FHIP1A: variants seen among roughly 807,000 people sequenced by gnomAD.
FHIP1A encodes FHF complex subunit HOOK-interacting protein 1A.
In FHIP1A, 61 loss-of-function variants were observed where a neutral mutation model predicts 88.6. The observed-to-expected ratio is 0.69, with a 90% CI of 0.56 to 0.85. FHIP1A has a LOEUF of 0.85. FHIP1A is among the 40% of genes least tolerant of loss of function. FHIP1A has a pLI of 0.00. For missense variants in FHIP1A, 1,154 were observed against 1,273.5 expected (o/e 0.91, Z 1.43); for synonymous variants, 478 against 496.0 (o/e 0.96, Z 0.48).
At position 151,542,285 on chromosome 4, in the gene FHIP1A, A is replaced by G. The variant is rs563109686; in HGVS notation, c.-122-23853A>G. On this transcript the variant is annotated intron_variant, in intron 3 of 13. Coordinates refer to ENST00000435205, the MANE Select transcript of FHIP1A (RefSeq NM_001109977.3). ...AAAATAAGTAATTGCACAAAACAAC[A>G]TTTAAGGAAATCAAAATACATGGAA... Among the ~76,000 whole-genome samples, 8 of 152,260 alleles carry G rather than the reference A, an allele frequency of 5.3e-5. No individual in the cohort carries two copies. In the South Asian group the frequency reaches 1.7e-3, roughly 32 times the overall value.
chr4:151,493,711 A>G (rs1580630336), intron 3 of FHIP1A, among the ~76,000 whole-genome samples: 2 of 152,374 alleles, frequency 1.3e-5, no homozygotes, highest in Non-Finnish European at 2.9e-5. Flanking sequence ...AAACAGAATT[A>G]AAAACAAAAA....
chr4:151,662,344 G>A (rs752035405), intron 13 of FHIP1A, among the ~76,000 whole-genome samples, 157 bp from the exon 14 acceptor site: 1 of 152,190 alleles, frequency 6.6e-6, no homozygotes, highest in Non-Finnish European at 1.5e-5. Flanking sequence ...GTCATGGAGT[G>A]CACAAGGGCT....
chr4:151,509,272 C>T (rs1730940177), intron 3 of FHIP1A, among the ~76,000 whole-genome samples: 1 of 152,130 alleles, frequency 6.6e-6, no homozygotes, highest in African/African-American at 2.4e-5. Context: ...ACGCCATTCT[C>T]CTGCCTCAGC....
At chr4:151,444,465 A>G (rs1216743627) in intron 1 of FHIP1A, among the ~76,000 whole-genome samples, 2 of 152,188 alleles carry the variant, frequency 1.3e-5, no homozygotes, top group African/African-American at 4.8e-5. Context: ...TGAATGTCAT[A>G]TGAACAGTAC....
chr4:151,417,181 A>G (rs1732928257), intron 1 of FHIP1A, among the ~76,000 whole-genome samples: 1 of 152,202 alleles, frequency 6.6e-6, no homozygotes, highest in South Asian at 2.1e-4. Context: ...AGCACACTTC[A>G]CAGGGTGGGA....
intron 1 of FHIP1A, among the ~76,000 whole-genome samples, chr4:151,415,334 G>A (rs1385692861): frequency 1.3e-5 from 2 of 152,024 alleles, no homozygotes; most frequent in South Asian, 2.1e-4. Context: ...CTACAGGTGT[G>A]CATCACCATG....
chr4:151,638,295 C>A (rs1445604189), intron 8 of FHIP1A, among the ~76,000 whole-genome samples: 1 of 134,024 alleles, frequency 7.5e-6, no homozygotes, highest in African/African-American at 2.6e-5. Context: ...CTCAGGAAAA[C>A]AAATTACCTA....
intron 7 of FHIP1A, among the ~76,000 whole-genome samples, chr4:151,593,031 A>G (rs1734498445): frequency 1.3e-5 from 2 of 152,152 alleles, no homozygotes; most frequent in Admixed American, 1.3e-4. Context: ...TCCTTTCCCC[A>G]TTGCTTGTTT....
intron 5 of FHIP1A, among the ~76,000 whole-genome samples, chr4:151,579,003 T>A (rs1330178063): frequency 3.3e-5 from 5 of 152,206 alleles, no homozygotes; most frequent in Non-Finnish European, 7.4e-5. Context: ...CTGAAAAGGC[T>A]ACCTACTGTA....
intron 5 of FHIP1A, among the ~76,000 whole-genome samples, chr4:151,584,891 T>A (rs1734151789): frequency 6.6e-6 from 1 of 152,108 alleles, no homozygotes; most frequent in African/African-American, 2.4e-5. Context: ...TACGTACTCT[T>A]CACCAGCTTA....
At chr4:151,621,196 G>C (rs1735729373) in intron 7 of FHIP1A, among the ~76,000 whole-genome samples, 1 of 152,090 alleles carries the variant, frequency 6.6e-6, no homozygotes, top group Non-Finnish European at 1.5e-5. Flanking sequence ...CCTCATTTTT[G>C]TGTCTGACTT....
intron 7 of FHIP1A, among the ~76,000 whole-genome samples, chr4:151,624,792 C>T (rs574046695): frequency 6.6e-6 from 1 of 152,188 alleles, no homozygotes; most frequent in South Asian, 2.1e-4. Context: ...GCCTAGAGGT[C>T]GGGGAGCAGA....
At chr4:151,595,189 T>C (rs1392413505) in intron 7 of FHIP1A, among the ~76,000 whole-genome samples, 1 of 152,234 alleles carries the variant, frequency 6.6e-6, no homozygotes, top group Non-Finnish European at 1.5e-5. Context: ...CTCTGAACAC[T>C]GCTTTAGCTG....
chr4:151,558,198 T>G (rs1733028513), intron 3 of FHIP1A, among the ~76,000 whole-genome samples: 1 of 152,098 alleles, frequency 6.6e-6, no homozygotes, highest in South Asian at 2.1e-4. Context: ...GAGAATAGGT[T>G]TTGTACGAGT....
intron 1 of FHIP1A, among the ~76,000 whole-genome samples, chr4:151,441,041 C>T (rs1410777516): frequency 6.6e-6 from 1 of 152,134 alleles, no homozygotes; most frequent in African/African-American, 2.4e-5. Flanking sequence ...GCTTCTCAGC[C>T]CTCACTTGCA....
In FHIP1A at chr4:151,656,379, T is replaced by G. The variant is rs1418885062; in HGVS notation, c.2699T>G (p.Val900Gly). The G allele has an allele frequency of 1.3e-6, 2 of 1,551,626 alleles. No homozygotes were observed. Among genetic ancestry groups the G allele is most frequent in the African/African-American group, 2.7e-5 (2 of 73,056 alleles). The change falls in exon 12 of 14, where the codon GTC becomes GGC. Residue 900 changes from valine (V) to glycine (G), a missense_variant. Coordinates refer to ENST00000435205, the MANE Select transcript of FHIP1A (RefSeq NM_001109977.3). This position sits in a 1 kb window ranked among gnomAD's most constrained non-coding sequence, Gnocchi z 4.2. ...LRSFLLNTNM[V>G]FQPSVRSLYQ... is the part of the protein sequence containing the mutation. ...TCCTTTCTGCTCAACACCAACATGG[T>G]CTTCCAGCCAAGCGTCCGCTCTCTC... is the stretch of plus-strand genomic sequence containing the variant.
At chr4:151,519,672 AGGAATGGAAT>A (rs1346700443) in intron 3 of FHIP1A, among the ~76,000 whole-genome samples, 1 of 152,176 alleles carries the variant, frequency 6.6e-6, no homozygotes, top group Non-Finnish European at 1.5e-5. Flanking sequence ...GTAAATACCC[AGGAATGGAAT>A]GGCTTGATCA....
intron 3 of FHIP1A, among the ~76,000 whole-genome samples, chr4:151,556,310 TTTCTA>T (rs1011454121): frequency 8.5e-5 from 13 of 152,176 alleles, no homozygotes; most frequent in African/African-American, 3.1e-4. Flanking sequence ...ATTTGTTTGG[TTTCTA>T]TTCTATCATC....
chr4:151,454,395 A>G (rs1171027622), intron 1 of FHIP1A, among the ~76,000 whole-genome samples: 1 of 152,196 alleles, frequency 6.6e-6, no homozygotes, highest in Non-Finnish European at 1.5e-5. Flanking sequence ...ATGACACAGA[A>G]CAAGCTATGC....
Sources: gnomAD v4.1 joint callset for allele counts (sites outside exome capture counted in the v4.1 genomes callset) on GRCh38, gnomAD v4.1.1 for gene constraint, Gnocchi (gnomAD v3.1) non-coding constraint, MANE v1.5 for transcripts, NCBI Gene and HGNC (gene_info 2026-07-23, HGNC 2026-07-21) for gene names.